The following ANK2 variants were observed in gnomAD, a reference collection of about 807,000 sequenced individuals.
ANK2 encodes ankyrin 2, also known as ankyrin-2.
ANK2 carries 83 observed loss-of-function variants against 360.5 expected under a neutral mutation model. The observed-to-expected ratio is 0.23, with a 90% CI of 0.19 to 0.28. The LOEUF is 0.28. ANK2 is among the 10% of genes least tolerant of loss of function. ANK2 has a pLI of 1.00. For missense variants in ANK2, 4,201 were observed against 4,795.7 expected (o/e 0.88, Z 3.66); for synonymous variants, 1,740 against 1,759.5 (o/e 0.99, Z 0.28).
intron 1 of ANK2, among the ~76,000 whole-genome samples, chr4:113,113,239 C>T (rs2094471705): frequency 6.6e-6 from 1 of 151,436 alleles, no homozygotes; most frequent in Non-Finnish European, 1.5e-5. Flanking sequence ...AGTGCATCTG[C>T]TTCTCTTTCC....
At chr4:113,170,852 A>C (rs1023948873) in intron 1 of ANK2, among the ~76,000 whole-genome samples, 4 of 152,166 alleles carry the variant, frequency 2.6e-5, no homozygotes, top group African/African-American at 9.7e-5. Flanking sequence ...CAGGGTTATA[A>C]AGGGGGCAAG....
At chr4:112,826,304 G>A in intron 1 of ANK2, 1 of 721,536 alleles carries the variant, frequency 1.4e-6, no homozygotes. Context: ...TGTGTAGTCT[G>A]TTTTGCTTCA....
At chr4:113,280,486 TG>T (rs2061878671) in intron 17 of ANK2, among the ~76,000 whole-genome samples, 1 of 152,186 alleles carries the variant, frequency 6.6e-6, no homozygotes, top group Non-Finnish European at 1.5e-5. Context: ...TCAATGAACA[TG>T]AGCCCTTCAT....
intron 1 of ANK2, among the ~76,000 whole-genome samples, chr4:112,874,851 C>T (rs141174667): frequency 6.6e-6 from 1 of 152,106 alleles, no homozygotes; most frequent in African/African-American, 2.4e-5. Flanking sequence ...TCGATTGCAT[C>T]CCCGGGGCGT....
At chr4:112,963,786 A>G (rs909110405) in intron 2 of ANK2, among the ~76,000 whole-genome samples, 2 of 152,122 alleles carry the variant, frequency 1.3e-5, no homozygotes, top group African/African-American at 4.8e-5. Flanking sequence ...GAATGAGACA[A>G]TTATAATTCA....
At chr4:113,154,958 G>A (rs915495776) in intron 1 of ANK2, among the ~76,000 whole-genome samples, 3 of 152,150 alleles carry the variant, frequency 2.0e-5, no homozygotes, top group South Asian at 2.1e-4. Context: ...ATCTGGCATT[G>A]GGACCAGATC....
chr4:113,045,562 A>G (rs1320416613), upstream of ANK2, among the ~76,000 whole-genome samples: 1 of 152,318 alleles, frequency 6.6e-6, no homozygotes, highest in East Asian at 1.9e-4. Flanking sequence ...TGGTTATGAG[A>G]ATCCCGTAAA....
At chr4:112,805,150 G>A in the ANK2 span, among the ~76,000 whole-genome samples, 56 of 152,258 alleles carry the variant, frequency 3.7e-4, no homozygotes, top group South Asian at 0.011. Flanking sequence ...GCCACGGAAA[G>A]GAGGGCTGGG....
chr4:112,905,209 C>T (rs978519956), intron 2 of ANK2, among the ~76,000 whole-genome samples: 2 of 152,086 alleles, frequency 1.3e-5, no homozygotes, highest in African/African-American at 4.8e-5. Flanking sequence ...CATTTGGTTA[C>T]AGAGGAAACA....
chr4:112,788,969 C>T, the ANK2 span: 1 of 560,580 alleles, frequency 1.8e-6, no homozygotes, highest in Non-Finnish European at 3.1e-6. Flanking sequence ...AGGGCAGGAA[C>T]CATATTTTAT....
At chr4:113,173,097 T>G (rs115448780) in intron 1 of ANK2, among the ~76,000 whole-genome samples, 3 of 152,202 alleles carry the variant, frequency 2.0e-5, no homozygotes, top group African/African-American at 7.2e-5. Context: ...TAGATTTCAG[T>G]CACACCTTTC....
At chr4:113,263,533 G>T (rs1214989605) in intron 13 of ANK2, among the ~76,000 whole-genome samples, 1 of 152,170 alleles carries the variant, frequency 6.6e-6, no homozygotes, top group Non-Finnish European at 1.5e-5. Context: ...AACTTCAAAA[G>T]AAATGGGTCT....
In ANK2 at chr4:112,865,546, T is replaced by C. The variant is rs1263184225; in HGVS notation, c.-39-38909T>C. Among the ~76,000 whole-genome samples the C allele has an allele frequency of 5.9e-5, 9 of 152,246 alleles. No homozygotes were observed. The East Asian group carries it at 1.5e-3, about 26-fold the overall frequency. On this transcript the variant is annotated intron_variant, in intron 1 of 30. Coordinates refer to the ANK2 transcript ENST00000503271. Reference sequence around the variant, plus strand: ...TTACTGCCAGTTTTATCCAGAAAAATAGATGAATAAACTGCTTACAAAACA... The same window carrying C: ...TTACTGCCAGTTTTATCCAGAAAAACAGATGAATAAACTGCTTACAAAACA...
At chr4:112,737,043 A>C in the ANK2 span, among the ~76,000 whole-genome samples, 1 of 152,050 alleles carries the variant, frequency 6.6e-6, no homozygotes, top group East Asian at 1.9e-4. Flanking sequence ...GCATGGTTTG[A>C]GTTCAAATTT....
At chr4:113,208,416 A>G (rs947435680) in intron 4 of ANK2, among the ~76,000 whole-genome samples, 1 of 152,032 alleles carries the variant, frequency 6.6e-6, no homozygotes, top group African/African-American at 2.4e-5. Context: ...GATAGTGTCA[A>G]TAGATCTCTC....
chr4:113,179,332 C>T (rs941777587), intron 2 of ANK2, among the ~76,000 whole-genome samples: 1 of 152,158 alleles, frequency 6.6e-6, no homozygotes, highest in Non-Finnish European at 1.5e-5. Flanking sequence ...CTGAGCTGCA[C>T]CAGCTTTCCA....
intron 1 of ANK2, among the ~76,000 whole-genome samples, chr4:113,080,579 A>C (rs1300254145): frequency 6.6e-6 from 1 of 152,218 alleles, no homozygotes; most frequent in African/African-American, 2.4e-5. Context: ...CCTTCTTTCC[A>C]TACTAGGAAA....
chr4:113,180,299 C>G (rs1478207025), intron 2 of ANK2, among the ~76,000 whole-genome samples: 1 of 152,200 alleles, frequency 6.6e-6, no homozygotes, highest in Non-Finnish European at 1.5e-5. Context: ...CCTGAGTTTT[C>G]TCAACTGGAG....
At chr4:112,871,699 G>C (rs904201868) in intron 1 of ANK2, among the ~76,000 whole-genome samples, 2 of 152,104 alleles carry the variant, frequency 1.3e-5, no homozygotes, top group African/African-American at 2.4e-5. Flanking sequence ...AAACGTTCAG[G>C]CTTTCACCAT....
Sources: gnomAD v4.1 joint callset for allele counts (sites outside exome capture counted in the v4.1 genomes callset) on GRCh38, gnomAD v4.1.1 for gene constraint, MANE v1.5 for transcripts, NCBI Gene and HGNC (gene_info 2026-07-23, HGNC 2026-07-21) for gene names.